The following HECTD4 variants were observed in gnomAD, a reference collection of about 807,000 sequenced individuals.
The protein encoded by HECTD4 is HECT domain E3 ubiquitin protein ligase 4, also known as probable E3 ubiquitin-protein ligase HECTD4.
In HECTD4, 114 loss-of-function variants were observed where a neutral mutation model predicts 471.5. The ratio of observed to expected loss-of-function variants is 0.24; its 90% CI spans 0.21 to 0.28. HECTD4 has a LOEUF of 0.28. Ranked by LOEUF, HECTD4 falls within the 10% of genes least tolerant of loss-of-function variation. HECTD4 has a pLI of 1.00. For missense variants in HECTD4, 3,866 were observed against 5,651.5 expected (o/e 0.68, Z 10.13); for synonymous variants, 2,012 against 2,256.0 (o/e 0.89, Z 3.07).
chr12:112,280,685 A>G (rs576133258), intron 8 of HECTD4, among the ~76,000 whole-genome samples: 1 of 152,106 alleles, frequency 6.6e-6, no homozygotes, highest in Non-Finnish European at 1.5e-5. Context: ...TAATTGGAAA[A>G]TTAGCAACTT....
intron 1 of HECTD4, among the ~76,000 whole-genome samples, chr12:112,336,717 T>A (rs1378221714): frequency 6.6e-6 from 1 of 152,056 alleles, no homozygotes; most frequent in Admixed American, 6.6e-5. Flanking sequence ...TACTTCAAAG[T>A]AATATGGGAA....
In HECTD4 at chr12:112,212,498, T is replaced by C. The variant is rs531353809; in HGVS notation, c.7618A>G (p.Ile2540Val). The C allele has an allele frequency of 2.5e-5, 41 of 1,611,614 alleles. No individual in the cohort carries two copies. The Middle Eastern group carries it at 5.0e-4, about 20-fold the overall frequency. Residue 2540 changes from isoleucine (I) to valine (V), a missense_variant, in exon 49 of 76, where the codon ATT becomes GTT. Coordinates refer to ENST00000682272, the MANE Select transcript of HECTD4 (RefSeq NM_001388303.1). ...ACAAGGTAACCTGCCTTTTTCTGAA[T>C]GTGAACCACTGGCCACATGCCACCA... is the stretch of plus-strand genomic sequence containing the variant. ...VSGGMWPVVH[I>V]QKKNTKTRAN...
At position 112,229,941 on chromosome 12, in the gene HECTD4, G is replaced by A. The variant is rs968181775; in HGVS notation, c.6337-61C>T. On this transcript the variant is annotated intron_variant, in intron 40 of 75. Coordinates refer to ENST00000682272, the MANE Select transcript of HECTD4 (RefSeq NM_001388303.1). ...AGCTTTGGTTGTTTTGATGCCAAGG[G>A]TGATAAAGTGTCTACAACAGTGCCT... 5 of 1,458,422 alleles carry A rather than the reference G, an allele frequency of 3.4e-6. No homozygotes were observed. In the African/African-American group the frequency reaches 5.6e-5, roughly 16 times the overall value. The allele number at this position is 1,458,422 out of a possible 1,614,324, so 90.3% of individuals were successfully genotyped here. A position where few individuals can be genotyped will look rare whatever the true frequency, so the allele number is the denominator to read the frequency against.
At chr12:112,260,293 TTA>T (rs2034113720) in intron 18 of HECTD4, among the ~76,000 whole-genome samples, 1 of 152,198 alleles carries the variant, frequency 6.6e-6, no homozygotes, top group Non-Finnish European at 1.5e-5. Context: ...TGTAAATTCC[TTA>T]AGGCTACTTA....
At chr12:112,201,401 A>G (rs1164787023) in intron 54 of HECTD4, 1 of 156,496 alleles carries the variant, frequency 6.4e-6, no homozygotes, top group African/African-American at 2.4e-5. Flanking sequence ...CAGGAATCAG[A>G]GAGATTTTAA....
intron 7 of HECTD4, among the ~76,000 whole-genome samples, chr12:112,290,870 A>C (rs1203357487): frequency 6.6e-6 from 1 of 151,270 alleles, no homozygotes; most frequent in Non-Finnish European, 1.5e-5. Context: ...AAACAAAAAA[A>C]AAAAACAAAT....
At chr12:112,314,226 T>C (rs773702837) in intron 3 of HECTD4, among the ~76,000 whole-genome samples, 1 of 152,120 alleles carries the variant, frequency 6.6e-6, no homozygotes, top group Non-Finnish European at 1.5e-5. Context: ...CACCAGCTAT[T>C]GCATTTTTAA....
In HECTD4 at chr12:112,184,840, CCAG is replaced by C; in HGVS notation, c.10123_10125del (p.Leu3375del). ...TCGGCGATGGCGTCACTCGTCACGCCCAGCCCCTGTGGGTCCTTCCTGGTGAGG... is the reference window on the plus strand; with the variant it reads ...TCGGCGATGGCGTCACTCGTCACGCCCCCCTGTGGGTCCTTCCTGGTGAGG... On this transcript the variant is annotated inframe_deletion, in exon 61 of 76. Transcript: ENST00000682272. The surrounding 1 kb of genome is among the most constrained non-coding windows in gnomAD (Gnocchi z 9.1). 1 of 1,607,602 alleles carries C rather than the reference CCAG, an allele frequency of 6.2e-7. No individual in the cohort carries two copies. Among genetic ancestry groups the C allele is most frequent in the African/African-American group, 1.3e-5 (1 of 74,968 alleles).
intron 1 of HECTD4, among the ~76,000 whole-genome samples, chr12:112,372,261 AT>A (rs1048915636): frequency 2.7e-5 from 4 of 150,604 alleles, no homozygotes; most frequent in African/African-American, 4.9e-5. Flanking sequence ...CGCCCCGCTA[AT>A]TTTTTTTATT....
chr12:112,321,805 G>A (rs1487937051), intron 1 of HECTD4: 1 of 151,202 alleles, frequency 6.6e-6, no homozygotes, highest in Non-Finnish European at 1.5e-5. Context: ...CAAAACAAAA[G>A]AAGCAAGAAG....
chr12:112,187,796 T>G (rs1441209244), intron 60 of HECTD4, among the ~76,000 whole-genome samples: 2 of 150,840 alleles, frequency 1.3e-5, no homozygotes, highest in Non-Finnish European at 1.5e-5. Context: ...CCGGCTAATT[T>G]TTTGTATTTT....
chr12:112,364,686 G>C (rs886334477), intron 1 of HECTD4, among the ~76,000 whole-genome samples: 1 of 151,462 alleles, frequency 6.6e-6, no homozygotes, highest in East Asian at 2.0e-4. Context: ...CCGTGACTGC[G>C]CGCCACTGCC....
chr12:112,279,494 T>C (rs2034590468), intron 8 of HECTD4, 108 bp from the exon 9 acceptor site: 2 of 924,456 alleles, frequency 2.2e-6, no homozygotes, highest in Non-Finnish European at 3.2e-6. Flanking sequence ...CAAACAAAGA[T>C]TTGGAAAACA....
intron 48 of HECTD4, 86 bp downstream of exon 48, chr12:112,216,206 C>T: frequency 1.1e-6 from 1 of 882,886 alleles, no homozygotes; most frequent in Non-Finnish European, 1.8e-6. Flanking sequence ...TTTCCAATTG[C>T]TAAATTTATT....
chr12:112,278,451 A>G (rs1039174955), intron 9 of HECTD4, among the ~76,000 whole-genome samples: 1 of 152,246 alleles, frequency 6.6e-6, no homozygotes, highest in Admixed American at 6.5e-5. Flanking sequence ...CACTGCTTTC[A>G]TTACTACAGT....
Position 112,183,120 on chromosome 12 carries a change from A to G in HECTD4, c.10926T>C (p.Ser3642=), listed in dbSNP as rs1487766410. 6.2e-7 allele frequency: 1 copy of G among 1,613,340 alleles called. No individual in the cohort carries two copies. The highest frequency in any genetic ancestry group is 8.5e-7 in the Non-Finnish European group (1 of 1,179,382). The change falls in exon 62 of 76, where the codon AGT becomes AGC. Residue 3642 remains serine (S), a synonymous_variant. Coordinates refer to ENST00000682272, the MANE Select transcript of HECTD4 (RefSeq NM_001388303.1). ...EILTVSVVNQ[S]LFDTQGSPGL... Reference sequence around the variant, plus strand: ...CTGGGCTCCCTTGAGTATCAAAGAGACTCTGATTTACTACAGACACGGTTA... The same window carrying G: ...CTGGGCTCCCTTGAGTATCAAAGAGGCTCTGATTTACTACAGACACGGTTA...
chr12:112,230,543 G>T, intron 40 of HECTD4, 144 bp downstream of exon 40: 1 of 993,210 alleles, frequency 1.0e-6, no homozygotes, highest in Non-Finnish European at 1.4e-6. Flanking sequence ...CTACAGTAAA[G>T]CAACTTCCAG....
chr12:112,175,224 G>A (rs1332504439), intron 66 of HECTD4, among the ~76,000 whole-genome samples: 1 of 152,166 alleles, frequency 6.6e-6, no homozygotes, highest in African/African-American at 2.4e-5. Context: ...TGGAGACAGG[G>A]CCTTTAAAGA....
intron 16 of HECTD4, 50 bp from the exon 17 acceptor site, chr12:112,264,262 C>A (rs747858757): frequency 4.3e-6 from 6 of 1,408,984 alleles, no homozygotes; most frequent in Admixed American, 2.6e-5. Flanking sequence ...ACTGAAAGAG[C>A]GATCATGTAA....
Sources: gnomAD v4.1 joint callset for allele counts (sites outside exome capture counted in the v4.1 genomes callset) on GRCh38, gnomAD v4.1.1 for gene constraint, Gnocchi (gnomAD v3.1) non-coding constraint, MANE v1.5 for transcripts, NCBI Gene and HGNC (gene_info 2026-07-23, HGNC 2026-07-21) for gene names.